Variants in FGF19 observed in about 807,000 individuals in gnomAD.
The protein encoded by FGF19 is FGF-19.
In FGF19, 5 loss-of-function variants were observed where a neutral mutation model predicts 8.9. The ratio of observed to expected loss-of-function variants is 0.56; its 90% confidence interval spans 0.29 to 1.18. The LOEUF (loss-of-function observed/expected upper bound fraction) is 1.18, where lower values mean the gene tolerates loss of function less well. Among genes scored for constraint, FGF19 ranks in the 50% most tolerant of loss-of-function variants. The pLI, the probability that FGF19 is intolerant of heterozygous loss-of-function variation, is 0.08. For missense variants in FGF19, 237 were observed against 293.9 expected (o/e 0.81, Z 1.42); for synonymous variants, 124 against 128.0 (o/e 0.97, Z 0.21).
rs1854737790 is a variant in FGF19 at position 69,699,066 on chromosome 11, A to C, written c.*196T>G. 74 of 578,840 alleles carry C rather than the reference A, an allele frequency of 1.3e-4. 1 individual carries two copies. The South Asian group carries it at 1.6e-3, about 13-fold the overall frequency. 35.9% of individuals were successfully genotyped at this position (578,840 alleles called of 1,614,324 possible). On this transcript the variant is annotated 3_prime_UTR_variant, in exon 3 of 3. Coordinates refer to ENST00000294312, the MANE Select transcript of FGF19 (RefSeq NM_005117.3). ...CAGCTGGGCAAGCTACAGGCTTACA[A>C]TGTTATGATCAGACAAGTCTATTGG...
chr11:69,703,341 C>T lies in FGF19; in HGVS notation c.256G>A (p.Ala86Thr), dbSNP rs1854798896. Residue 86 changes from alanine (A) to threonine (T), a missense_variant, in exon 2 of 3, where the codon GCT becomes ACT. By Grantham distance (58) the Ala-to-Thr change is moderately conservative (BLOSUM62 0). Transcript: ENST00000294312. The surrounding 1 kb of genome is among the most constrained non-coding windows in gnomAD (Gnocchi z 6.8). ...AHSLLEIKAV[A>T]LRTVAIKGVH... is the part of the protein sequence containing the mutation. Reference sequence around the variant, plus strand: ...CCCTTGATGGCCACGGTCCGCAGAGCGACTGCCTTGATCTCCAGCAAACCT... The same window carrying T: ...CCCTTGATGGCCACGGTCCGCAGAGTGACTGCCTTGATCTCCAGCAAACCT... 2.5e-6 allele frequency: 4 copies of T among 1,609,704 alleles called. No individual in the cohort carries two copies. Among genetic ancestry groups the T allele is most frequent in the Non-Finnish European group, 2.5e-6 (3 of 1,178,496 alleles).
rs1272702786 is a variant in FGF19, at chr11:69,703,568, A to C, written c.232+77T>G. On this transcript the variant is annotated intron_variant, in intron 1 of 2. Coordinates refer to ENST00000294312, the MANE Select transcript of FGF19 (RefSeq NM_005117.3). The surrounding 1 kb of genome is among the most constrained non-coding windows in gnomAD (Gnocchi z 6.8). ...GAGCCTAAGGGTGGCAAAGGAAGGA[A>C]GGGCGCTGGGGTGGGGCGCGCGCAG... 2 of 514,636 alleles carry C rather than the reference A, an allele frequency of 3.9e-6. No homozygotes were observed. The highest frequency in any genetic ancestry group is 3.8e-5 in the African/African-American group (1 of 26,040). 31.9% of individuals were successfully genotyped at this position (514,636 alleles called of 1,614,324 possible). A position where few individuals can be genotyped will look rare whatever the true frequency, so the allele number is the denominator to read the frequency against.
At position 69,703,682 on chromosome 11, in the gene FGF19, G is replaced by C; in HGVS notation, c.195C>G (p.Asp65Glu). ...GGCCCCGCGCGCAGTCCACGACGCC[G>C]TCGGCACGGATGCGCAGGAAGCAGC... ...LSSCFLRIRA[D>E]GVVDCARGQS... Residue 65 changes from aspartate to glutamate, a missense_variant, in exon 1 of 3, where the codon GAC becomes GAG. Transcript: ENST00000294312. The surrounding 1 kb of genome is among the most constrained non-coding windows in gnomAD (Gnocchi z 6.8). 4.1e-6 allele frequency: 5 copies of C among 1,232,602 alleles called. No individual in the cohort carries two copies. Among genetic ancestry groups the C allele is most frequent in the Non-Finnish European group, 5.1e-6 (5 of 988,464 alleles). 76.4% of individuals were successfully genotyped at this position (1,232,602 alleles called of 1,614,324 possible).
Position 69,703,366 on chromosome 11 carries a change from T to G in FGF19, c.233-2A>C. ...CGACTGCCTTGATCTCCAGCAAACC[T>G]AGGCGCAGGGGAAGCGAGAAGCTGC... On this transcript the variant is annotated splice_acceptor_variant, in intron 1 of 2. Transcript: ENST00000294312. LOFTEE classifies it high-confidence loss of function. This position sits in a 1 kb window ranked among gnomAD's most constrained non-coding sequence, Gnocchi z 6.8. The G allele has an allele frequency of 6.2e-7, 1 of 1,602,928 alleles. No individual in the cohort carries two copies. The highest frequency in any genetic ancestry group is 8.5e-7 in the Non-Finnish European group (1 of 1,174,900).
rs749971879 is a variant in FGF19, at chr11:69,703,287, C to T, written c.310G>A (p.Gly104Ser). 8.1e-6 allele frequency: 13 copies of T among 1,606,238 alleles called. No individual in the cohort carries two copies. The highest frequency in any genetic ancestry group is 1.0e-5 in the Non-Finnish European group (12 of 1,176,932). Residue 104 changes from glycine (G) to serine (S), a missense_variant, in exon 2 of 3, where the codon GGC (glycine) becomes AGC (serine). By Grantham distance (56) the Gly-to-Ser change is moderately conservative. Transcript: ENST00000294312. This position sits in a 1 kb window ranked among gnomAD's most constrained non-coding sequence, Gnocchi z 6.8. Reference sequence around the variant, plus strand: ...AGCCCCTGCATCTTGCCGTCGGCGCCCATGCAGAGGTACCGCACGCTGTGC... The same window carrying T: ...AGCCCCTGCATCTTGCCGTCGGCGCTCATGCAGAGGTACCGCACGCTGTGC... ...GVHSVRYLCM[G>S]ADGKMQGLLQ... is the part of the protein sequence containing the mutation.
rs1177255379 is a variant in FGF19, at chr11:69,703,431, G to C, written c.233-67C>G. 7 of 1,283,790 alleles carry C rather than the reference G, an allele frequency of 5.5e-6. No homozygotes were observed. Among genetic ancestry groups the C allele is most frequent in the South Asian group, 1.3e-5 (1 of 77,222 alleles). 79.5% of individuals were successfully genotyped at this position (1,283,790 alleles called of 1,614,324 possible). The stretch of plus-strand genomic sequence containing the variant: ...GGCCCGCACCACGTGGGTGCGGTCG[G>C]TCCACAAGCCTGTGCTTCTCCCTAG... On this transcript the variant is annotated intron_variant, in intron 1 of 2. Transcript: ENST00000294312. The surrounding 1 kb of genome is among the most constrained non-coding windows in gnomAD (Gnocchi z 6.8).
rs1006813900 is a variant in FGF19 at position 69,702,784 on chromosome 11, C to T, written c.336+477G>A. 6.6e-6 allele frequency among the ~76,000 whole-genome samples: 1 copy of T among 152,208 alleles called. No homozygotes were observed. Among genetic ancestry groups the T allele is most frequent in the Non-Finnish European group, 1.5e-5 (1 of 68,026 alleles). The stretch of plus-strand genomic sequence containing the variant: ...TCTCCTATCCCAAATGCACTGTTTT[C>T]TGCCTTGCTTGACAATTGATTTGTT... On this transcript the variant is annotated intron_variant, in intron 2 of 2. Transcript: ENST00000294312. The surrounding 1 kb of genome is among the most constrained non-coding windows in gnomAD (Gnocchi z 4.6).
At position 69,699,488 on chromosome 11, in the gene FGF19, G is replaced by A. The variant is rs191447718; in HGVS notation, c.425C>T (p.Pro142Leu). ...NVYRSEKHRL[P>L]VSLSSAKQRQ... ...CTGTTTGGCACTGCTCAGGGAGACC[G>A]GGAGGCGGTGCTTCTCGGATCGGTA... The change falls in exon 3 of 3, where the codon CCG becomes CTG. Residue 142 changes from proline to leucine, a missense_variant. Transcript: ENST00000294312. The A allele has an allele frequency of 3.7e-5, 59 of 1,614,172 alleles. 1 individual carries two copies. The Middle Eastern group carries it at 8.2e-4, about 23-fold the overall frequency.
Position 69,702,503 on chromosome 11 carries a change from G to A in FGF19, c.336+758C>T, listed in dbSNP as rs1338038806. On this transcript the variant is annotated intron_variant, in intron 2 of 2. Coordinates refer to ENST00000294312, the MANE Select transcript of FGF19 (RefSeq NM_005117.3). This position sits in a 1 kb window ranked among gnomAD's most constrained non-coding sequence, Gnocchi z 4.6. ...GGGGCCGCGGGAGGGGCGCGGGTTC[G>A]TTCCTTTGAACTCCCAGCCTTTGTT... is the stretch of plus-strand genomic sequence containing the variant. Among the ~76,000 whole-genome samples the A allele has an allele frequency of 6.6e-6, 1 of 152,064 alleles. No homozygotes were observed. The highest frequency in any genetic ancestry group is 1.5e-5 in the Non-Finnish European group (1 of 68,002).
chr11:69,700,693 C>T (rs1020073155), intron 2 of FGF19, among the ~76,000 whole-genome samples: 2 of 152,386 alleles, frequency 1.3e-5, no homozygotes, highest in East Asian at 1.9e-4. Context: ...CCATCAGCCC[C>T]GCTGTCTCCT....
chr11:69,698,567 G>C lies in FGF19; in HGVS notation c.*695C>G, dbSNP rs1854731523. 5.2e-6 allele frequency: 1 copy of C among 192,704 alleles called. No homozygotes were observed. 11.9% of individuals were successfully genotyped at this position (192,704 alleles called of 1,614,324 possible). A position where few individuals can be genotyped will look rare whatever the true frequency, so the allele number is the denominator to read the frequency against. On this transcript the variant is annotated 3_prime_UTR_variant, in exon 3 of 3. Transcript: ENST00000294312. ...GAGGTGGGCAGAGGGCTGGTGGGCT[G>C]GGAGATGGAAGCAGGTGACACCGGG...
rs1854805929 is a variant in FGF19 at position 69,703,777 on chromosome 11, C to T, written c.100G>A (p.Val34Met). 5 of 1,235,148 alleles carry T rather than the reference C, an allele frequency of 4.0e-6. No individual in the cohort carries two copies. Among genetic ancestry groups the T allele is most frequent in the East Asian group, 3.2e-5 (1 of 31,652 alleles). 76.5% of individuals were successfully genotyped at this position (1,235,148 alleles called of 1,614,324 possible). The change falls in exon 1 of 3, where the codon GTG becomes ATG. Residue 34 changes from valine (V) to methionine (M), a missense_variant. Physicochemically the swap from Val to Met is conservative, Grantham distance 21. Coordinates refer to ENST00000294312, the MANE Select transcript of FGF19 (RefSeq NM_005117.3). This position sits in a 1 kb window ranked among gnomAD's most constrained non-coding sequence, Gnocchi z 6.8. ...ATGGGGTCGCCCCAGCCGTAGTGCA[C>T]GTGGGGCCCCGCGTCCGAGAAGGCG... ...PLAFSDAGPH[V>M]HYGWGDPIRL...
At position 69,698,721 on chromosome 11, in the gene FGF19, C is replaced by T. The variant is rs139135809; in HGVS notation, c.*541G>A. On this transcript the variant is annotated 3_prime_UTR_variant, in exon 3 of 3. Coordinates refer to ENST00000294312, the MANE Select transcript of FGF19 (RefSeq NM_005117.3). ...TGAAGCCTGGTGGGCCATGCCTGCTCCAGTCAGTTCTGGCCTGGAGGGATT... is the reference window on the plus strand; with the variant it reads ...TGAAGCCTGGTGGGCCATGCCTGCTTCAGTCAGTTCTGGCCTGGAGGGATT... 2.2e-4 allele frequency: 44 copies of T among 199,814 alleles called. No individual in the cohort carries two copies. The highest frequency in any genetic ancestry group is 9.2e-4 in the African/African-American group (40 of 43,414). 12.4% of individuals were successfully genotyped at this position (199,814 alleles called of 1,614,324 possible).
In FGF19 at chr11:69,699,576, G is replaced by T; in HGVS notation, c.337C>A (p.Leu113Ile). 1 of 1,604,194 alleles carries T rather than the reference G, an allele frequency of 6.2e-7. No homozygotes were observed. Among genetic ancestry groups the T allele is most frequent in the Non-Finnish European group, 8.5e-7 (1 of 1,174,290 alleles). ...GCACAGTCTTCCTCCGAGTACTGAA[G>T]CTGCAGAGAAAACAGGCAGCTCTGA... ...MGADGKMQGL[L>I]QYSEEDCAFE... The change falls in exon 3 of 3, where the codon CTT becomes ATT. Residue 113 changes from leucine to isoleucine, a missense_variant and splice_region_variant. By Grantham distance (5) the Leu-to-Ile change is conservative. Coordinates refer to ENST00000294312, the MANE Select transcript of FGF19 (RefSeq NM_005117.3).
In FGF19 at chr11:69,703,548, TAAGGGTGGCAAAGGAAGG is replaced by T. The variant is rs1298049951; in HGVS notation, c.232+79_232+96del. 1.3e-6 allele frequency: 1 copy of T among 746,036 alleles called. No homozygotes were observed. The highest frequency in any genetic ancestry group is 5.2e-5 in the Admixed American group (1 of 19,108). The allele number at this position is 746,036 out of a possible 1,614,324, so 46.2% of individuals were successfully genotyped here. ...AGGAGTTGAGGGGTCCGCAGGAGCC[TAAGGGTGGCAAAGGAAGG>T]AAGGGCGCTGGGGTGGGGCGCGCGC... On this transcript the variant is annotated intron_variant, in intron 1 of 2. Coordinates refer to ENST00000294312, the MANE Select transcript of FGF19 (RefSeq NM_005117.3). The surrounding 1 kb of genome is among the most constrained non-coding windows in gnomAD (Gnocchi z 6.8).
intron 2 of FGF19, among the ~76,000 whole-genome samples, chr11:69,701,969 A>C (rs1233926026): frequency 2.8e-4 from 9 of 31,770 alleles, no homozygotes; most frequent in African/African-American, 5.6e-4. Flanking sequence ...CTCTGCCAAA[A>C]AAAAAAAAAA....
intron 2 of FGF19, among the ~76,000 whole-genome samples, chr11:69,700,255 TTATA>T (rs1381712074): frequency 6.6e-6 from 1 of 152,032 alleles, no homozygotes; most frequent in Non-Finnish European, 1.5e-5. Flanking sequence ...ATTATAATCT[TTATA>T]TAGATATACA....
rs566945997 is a variant in FGF19, at chr11:69,703,896, C to A, written c.-20G>T. 3 of 1,240,130 alleles carry A rather than the reference C, an allele frequency of 2.4e-6. No homozygotes were observed. The Admixed American group carries it at 1.3e-4, about 52-fold the overall frequency. The allele number at this position is 1,240,130 out of a possible 1,614,324, so 76.8% of individuals were successfully genotyped here. On this transcript the variant is annotated 5_prime_UTR_variant, in exon 1 of 3. Transcript: ENST00000294312. This position sits in a 1 kb window ranked among gnomAD's most constrained non-coding sequence, Gnocchi z 6.8. Reference sequence around the variant, plus strand: ...CCGCATGGCACCTCCCTGGGGCTCTCGGCGCAGCTCCGGCGATGGGGGTGC... The same window carrying A: ...CCGCATGGCACCTCCCTGGGGCTCTAGGCGCAGCTCCGGCGATGGGGGTGC...
Position 69,699,247 on chromosome 11 carries a change from C to T in FGF19, c.*15G>A, listed in dbSNP as rs200919218. 2.8e-5 allele frequency: 44 copies of T among 1,587,882 alleles called. No homozygotes were observed. Among genetic ancestry groups the T allele is most frequent in the East Asian group, 4.5e-5 (2 of 44,660 alleles). On this transcript the variant is annotated 3_prime_UTR_variant, in exon 3 of 3. Coordinates refer to ENST00000294312, the MANE Select transcript of FGF19 (RefSeq NM_005117.3). The stretch of plus-strand genomic sequence containing the variant: ...AGCCCCTGGCAGCAGTGAAGAGGCC[C>T]GGGCATGGTCTCAGTTACTTCTCAA...
Sources: gnomAD v4.1 joint callset for allele counts (sites outside exome capture counted in the v4.1 genomes callset) on GRCh38, gnomAD v4.1.1 for gene constraint, Gnocchi (gnomAD v3.1) non-coding constraint, MANE v1.5 for transcripts, NCBI Gene and HGNC (gene_info 2026-07-23, HGNC 2026-07-21) for gene names.